The following CNTN4 variants were observed in gnomAD, a reference collection of about 807,000 sequenced individuals.
The protein encoded by CNTN4 is contactin 4, also known as contactin-4.
A neutral mutation model predicts 122.5 loss-of-function variants in CNTN4; 77 were observed. The observed-to-expected ratio is 0.63, with a 90% confidence interval of 0.52 to 0.76. CNTN4 has a LOEUF of 0.76. Among genes scored for constraint, CNTN4 ranks in the 30% least tolerant of loss-of-function variants. The pLI is 0.00. For missense variants in CNTN4, 1,256 were observed against 1,259.1 expected (o/e 1.00, Z 0.04); for synonymous variants, 512 against 447.0 (o/e 1.15, Z -1.83).
intron 13 of CNTN4, among the ~76,000 whole-genome samples, chr3:2,935,360 G>A (rs1016246432): frequency 2.6e-5 from 4 of 152,142 alleles, no homozygotes; most frequent in African/African-American, 7.2e-5. Flanking sequence ...ATCTTTTGAA[G>A]TGTCTCACAT....
rs558656773 is a variant in CNTN4, at chr3:2,711,974, A to T, written c.56-24241A>T. Among the ~76,000 whole-genome samples, 70 of 152,312 alleles carry T rather than the reference A, an allele frequency of 4.6e-4. 1 individual carries two copies. In the East Asian group the frequency reaches 8.5e-3, roughly 18 times the overall value. ...TTCCTTCATTATATTAAGACTTTTT[A>T]AAAAATGTTATTTATGGGATAGTTT... On this transcript the variant is annotated intron_variant, in intron 4 of 24. Coordinates refer to ENST00000418658, the MANE Select transcript of CNTN4 (RefSeq NM_175607.3).
rs538805153 is a variant in CNTN4, at chr3:2,144,780, G to T, written c.-145+44141G>T. On this transcript the variant is annotated intron_variant, in intron 2 of 24. Coordinates refer to ENST00000418658, the MANE Select transcript of CNTN4 (RefSeq NM_175607.3). ...TTGAATTAAATTAAATATTGGAATT[G>T]TATCTGTCAAAGCCATATCAGCTCT... Among the ~76,000 whole-genome samples the T allele has an allele frequency of 1.1e-4, 17 of 152,286 alleles. No homozygotes were observed. In the South Asian group the frequency reaches 3.1e-3, roughly 28 times the overall value.
chr3:2,809,145 T>G (rs2092543415), intron 6 of CNTN4, among the ~76,000 whole-genome samples: 1 of 152,080 alleles, frequency 6.6e-6, no homozygotes, highest in Non-Finnish European at 1.5e-5. Context: ...ATGAGAACCG[T>G]AGTTGCAGAT....
intron 12 of CNTN4, among the ~76,000 whole-genome samples, chr3:2,924,102 G>T (rs149477919): frequency 1.2e-3 from 178 of 150,980 alleles, no homozygotes; most frequent in Non-Finnish European, 2.2e-3. Context: ...TTTTACCTTC[G>T]CATGAGAATA....
intron 14 of CNTN4, 93 bp from the exon 15 acceptor site, chr3:3,026,009 G>C: frequency 8.2e-7 from 1 of 1,216,210 alleles, no homozygotes; most frequent in Non-Finnish European, 1.2e-6. Flanking sequence ...AAATTACTTA[G>C]TATTTCATCC....
chr3:2,922,880 G>A (rs147315670), intron 12 of CNTN4, among the ~76,000 whole-genome samples: 271 of 152,112 alleles, frequency 1.8e-3, no homozygotes, highest in Non-Finnish European at 3.2e-3. Context: ...CAAAGTGCTG[G>A]GATTACAGAC....
intron 4 of CNTN4, among the ~76,000 whole-genome samples, chr3:2,667,205 T>C (rs1037049148): frequency 1.2e-4 from 18 of 152,228 alleles, no homozygotes; most frequent in East Asian, 1.2e-3. Flanking sequence ...ACAGTCCCAC[T>C]AACAGTGTAA....
intron 3 of CNTN4, among the ~76,000 whole-genome samples, chr3:2,402,751 T>A (rs1415827698): frequency 6.6e-6 from 1 of 152,100 alleles, no homozygotes; most frequent in Non-Finnish European, 1.5e-5. Context: ...TAGTTTCTTA[T>A]AAAATATAGT....
chr3:2,291,489 A>G (rs1575284840), intron 2 of CNTN4, among the ~76,000 whole-genome samples: 4 of 152,320 alleles, frequency 2.6e-5, no homozygotes, highest in South Asian at 4.1e-4. Context: ...GTATGTTAAA[A>G]GAACTCAAAA....
intron 3 of CNTN4, among the ~76,000 whole-genome samples, chr3:2,475,301 A>G (rs1422921443): frequency 1.3e-5 from 2 of 152,200 alleles, no homozygotes; most frequent in Non-Finnish European, 2.9e-5. Context: ...AGTTCTTTAA[A>G]CTAAAGCACT....
chr3:2,306,299 G>C lies in CNTN4; in HGVS notation c.-144-32879G>C, dbSNP rs150874455. On this transcript the variant is annotated intron_variant, in intron 2 of 24. Transcript: ENST00000418658. ...CTTCCCATTCTTGTCAGCTCTATAT[G>C]TTGCTAGATTTGTGGTTGCTTGTTT... Among the ~76,000 whole-genome samples, 10 of 152,220 alleles carry C rather than the reference G, an allele frequency of 6.6e-5. No individual in the cohort carries two copies. In the East Asian group the frequency reaches 1.9e-3, roughly 29 times the overall value.
chr3:2,923,614 T>A (rs1007120557), intron 12 of CNTN4, among the ~76,000 whole-genome samples: 3 of 152,204 alleles, frequency 2.0e-5, no homozygotes, highest in African/African-American at 7.2e-5. Flanking sequence ...GGAGTGCTTA[T>A]TGCGTAATTC....
chr3:2,229,552 A>T (rs1327561941), intron 2 of CNTN4, among the ~76,000 whole-genome samples: 1 of 152,208 alleles, frequency 6.6e-6, no homozygotes, highest in East Asian at 1.9e-4. Flanking sequence ...GTATTTGAAA[A>T]TATCTAATCT....
chr3:2,527,872 C>T (rs1462079513), intron 3 of CNTN4, among the ~76,000 whole-genome samples: 1 of 152,128 alleles, frequency 6.6e-6, no homozygotes, highest in Non-Finnish European at 1.5e-5. Flanking sequence ...TAAATCTGCC[C>T]TCAATTCTTT....
At chr3:2,837,552 G>A (rs1217645404) in intron 7 of CNTN4, among the ~76,000 whole-genome samples, 2 of 152,138 alleles carry the variant, frequency 1.3e-5, no homozygotes, top group South Asian at 4.1e-4. Flanking sequence ...GCTTTCTGCA[G>A]GGAATGAAAA....
chr3:2,421,440 C>T (rs900882703), intron 3 of CNTN4, among the ~76,000 whole-genome samples: 1 of 152,214 alleles, frequency 6.6e-6, no homozygotes, highest in Non-Finnish European at 1.5e-5. Context: ...TTAGTAGAGA[C>T]ATGGTTTCAC....
At chr3:2,297,462 A>G (rs76518082) in intron 2 of CNTN4, among the ~76,000 whole-genome samples, 3,398 of 152,270 alleles carry the variant, frequency 0.022, 125 homozygotes, top group African/African-American at 0.078. Flanking sequence ...GTGAGATAAG[A>G]TAAATCAGAT....
chr3:2,739,172 A>G (rs2089312150), intron 5 of CNTN4, among the ~76,000 whole-genome samples: 1 of 152,152 alleles, frequency 6.6e-6, no homozygotes, highest in African/African-American at 2.4e-5. Flanking sequence ...GAAATATATA[A>G]TTAAAACTAC....
chr3:2,594,481 C>T (rs1317428122), intron 4 of CNTN4, among the ~76,000 whole-genome samples: 1 of 147,808 alleles, frequency 6.8e-6, no homozygotes, highest in African/African-American at 2.5e-5. Context: ...TGCAGTGGCA[C>T]GATCTCGGCT....
Sources: allele counts gnomAD v4.1 joint callset (sites outside exome capture counted in the v4.1 genomes callset), GRCh38; gene constraint gnomAD v4.1.1; transcripts MANE v1.5; gene names NCBI Gene and HGNC (gene_info 2026-07-23, HGNC 2026-07-21).